PARP10: variants seen among roughly 807,000 people sequenced by gnomAD.
PARP10 encodes poly(ADP-ribose) polymerase family member 10.
Under a neutral mutation model 82.4 loss-of-function variants are expected in PARP10, and 56 were observed. The ratio of observed to expected loss-of-function variants is 0.68; its 90% CI spans 0.55 to 0.85. The LOEUF (loss-of-function observed/expected upper bound fraction) is 0.85. PARP10 is among the 40% of genes least tolerant of loss of function. PARP10 has a pLI of 0.00. For missense variants in PARP10, 1,227 were observed against 1,379.4 expected (o/e 0.89, Z 1.75); for synonymous variants, 576 against 601.1 (o/e 0.96, Z 0.61).
Position 143,986,396 on chromosome 8 carries a change from C to A in PARP10, c.-37G>T. The A allele has an allele frequency of 6.2e-7, 1 of 1,614,158 alleles. No homozygotes were observed. Among genetic ancestry groups the A allele is most frequent in the East Asian group, 2.2e-5 (1 of 44,886 alleles). On this transcript the variant is annotated 5_prime_UTR_variant, in exon 1 of 11. Transcript: ENST00000313028. ...GCTAGGCAGCCTCAGGCCATGAGCT[C>A]AGCCAGGACTCCTGTGCCTGCCCCT...
chr8:143,998,837 C>G (rs1167566215), intron 1 of PARP10, among the ~76,000 whole-genome samples: 4 of 151,960 alleles, frequency 2.6e-5, no homozygotes. Context: ...GTAGTCCCAG[C>G]TACTCAAGAG....
upstream of PARP10, chr8:143,989,552 A>T (rs575888485): frequency 6.6e-6 from 1 of 152,362 alleles, no homozygotes; most frequent in East Asian, 1.9e-4. This position sits in a 1 kb window ranked among gnomAD's most constrained non-coding sequence, Gnocchi z 4.3. Flanking sequence ...TGCCTGTATC[A>T]AAACATCCCA....
At chr8:143,988,632 A>ATT (rs1475726243), upstream of PARP10, among the ~76,000 whole-genome samples, 1 of 149,412 alleles carries the variant, frequency 6.7e-6, no homozygotes, top group African/African-American at 2.5e-5. Flanking sequence ...CGCCCAGCTA[A>ATT]TTTTTTTTTG....
At chr8:144,000,125 T>C (rs1554751603) in intron 1 of PARP10, among the ~76,000 whole-genome samples, 1 of 152,182 alleles carries the variant, frequency 6.6e-6, no homozygotes, top group Non-Finnish European at 1.5e-5. Flanking sequence ...CCCAGCATTG[T>C]GAGGTAAATT....
intron 1 of PARP10, among the ~76,000 whole-genome samples, chr8:143,996,280 G>T (rs1006301750): frequency 6.6e-6 from 1 of 152,212 alleles, no homozygotes; most frequent in Non-Finnish European, 1.5e-5. Context: ...AGTTATATAC[G>T]TAAGCAAATA....
intron 1 of PARP10, among the ~76,000 whole-genome samples, chr8:144,012,101 A>G (rs1382937902): frequency 6.6e-6 from 1 of 152,248 alleles, no homozygotes; most frequent in East Asian, 1.9e-4. Flanking sequence ...ACCTCACTGT[A>G]AAGCCAGTGG....
At chr8:143,991,464 C>T, upstream of PARP10, 1 of 1,497,978 alleles carries the variant, frequency 6.7e-7, no homozygotes, top group Non-Finnish European at 8.9e-7. Context: ...GGGCTACCCA[C>T]AGGGCCCCTA....
chr8:143,988,473 A>G (rs1456548443), upstream of PARP10, among the ~76,000 whole-genome samples: 5 of 141,578 alleles, frequency 3.5e-5, no homozygotes, highest in Non-Finnish European at 7.7e-5. Context: ...TTACTTATTT[A>G]TTTATTTTTT....
chr8:143,984,545 C>A lies in PARP10; in HGVS notation c.1457G>T (p.Arg486Leu), dbSNP rs200970825. Residue 486 changes from arginine to leucine, a missense_variant and splice_region_variant, in exon 5 of 11, where the codon CGG becomes CTG. Physicochemically the swap from Arg to Leu is moderately radical, Grantham distance 102 (BLOSUM62 -2). Transcript: ENST00000313028. ...GAGGAGTCCTGAGGGGTCACTCACC[C>A]GAAAGCCAGTCATATCCGGTCCTTC... Reference protein sequence around the residue: ...PLEGPDMTGFRLCGAQASCQA... With the variant: ...PLEGPDMTGFLLCGAQASCQA... 148 of 1,606,812 alleles carry A rather than the reference C, an allele frequency of 9.2e-5. No individual in the cohort carries two copies. Among genetic ancestry groups the A allele is most frequent in the Non-Finnish European group, 1.4e-5 (17 of 1,176,618 alleles).
At chr8:143,987,610 G>A (rs537321431), upstream of PARP10, among the ~76,000 whole-genome samples, 120 of 152,286 alleles carry the variant, frequency 7.9e-4, 5 homozygotes, top group South Asian at 0.02. Flanking sequence ...AAAGTCCTGG[G>A]GGCCGGGCGC....
At chr8:143,994,205 C>T (rs1381074871), upstream of PARP10, among the ~76,000 whole-genome samples, 3 of 152,264 alleles carry the variant, frequency 2.0e-5, no homozygotes, top group Non-Finnish European at 4.4e-5. Context: ...CCCCTTAGCA[C>T]CTCTGTGTAC....
upstream of PARP10, among the ~76,000 whole-genome samples, chr8:143,994,500 G>T (rs1381903556): frequency 2.0e-5 from 3 of 152,208 alleles, no homozygotes; most frequent in African/African-American, 7.2e-5. Context: ...ACGCTCCTTA[G>T]CCTGGTACGC....
intron 1 of PARP10, among the ~76,000 whole-genome samples, chr8:144,001,873 C>CGT (rs57117824): frequency 0.12 from 16,301 of 136,362 alleles, 944 homozygotes; most frequent in South Asian, 0.22. Flanking sequence ...AATATATATA[C>CGT]GTGTGTGTGT....
chr8:144,004,984 G>A (rs1373469395), intron 1 of PARP10, among the ~76,000 whole-genome samples: 2 of 152,072 alleles, frequency 1.3e-5, no homozygotes, highest in African/African-American at 4.8e-5. Context: ...TTCGAGACCA[G>A]CCTGGCAAAC....
chr8:144,001,746 G>GAAAAT (rs1834204665), intron 1 of PARP10, among the ~76,000 whole-genome samples: 1 of 152,042 alleles, frequency 6.6e-6, no homozygotes, highest in Admixed American at 6.6e-5. Flanking sequence ...GAAAAGAAAA[G>GAAAAT]AAAAGAAAAG....
At chr8:143,993,779 G>C (rs73377283), upstream of PARP10, among the ~76,000 whole-genome samples, 1 of 152,274 alleles carries the variant, frequency 6.6e-6, no homozygotes, top group East Asian at 1.9e-4. Context: ...CTCCTTGGGC[G>C]CTCCTTGGGC....
exon 1 of PARP10, chr8:144,012,679 G>C (rs782698641): frequency 9.0e-6 from 14 of 1,551,712 alleles, no homozygotes; most frequent in East Asian, 4.9e-5. Flanking sequence ...GGGTTCACGA[G>C]TGGGCTTGGT....
upstream of PARP10, among the ~76,000 whole-genome samples, chr8:143,993,914 G>C (rs570683524): frequency 2.0e-5 from 3 of 152,364 alleles, no homozygotes; most frequent in Admixed American, 6.5e-5. Flanking sequence ...CAGAGACTGA[G>C]GGCTCAGCCA....
At chr8:143,987,543 C>T (rs1834012107), upstream of PARP10, among the ~76,000 whole-genome samples, 1 of 152,198 alleles carries the variant, frequency 6.6e-6, no homozygotes, top group East Asian at 1.9e-4. Context: ...CAGGGTGAGC[C>T]TTGTAAAATG....
Sources: gnomAD v4.1 joint callset for allele counts (sites outside exome capture counted in the v4.1 genomes callset) on GRCh38, gnomAD v4.1.1 for gene constraint, Gnocchi (gnomAD v3.1) non-coding constraint, MANE v1.5 for transcripts, NCBI Gene and HGNC (gene_info 2026-07-23, HGNC 2026-07-21) for gene names.